The following GALK2 variants were observed in gnomAD, a reference collection of about 807,000 sequenced individuals.
GALK2 encodes the protein N-acetylgalactosamine kinase.
A neutral mutation model predicts 52.4 loss-of-function variants in GALK2; 36 were observed. The ratio of observed to expected loss-of-function variants is 0.69; its 90% CI spans 0.53 to 0.91. The LOEUF (loss-of-function observed/expected upper bound fraction) is 0.91. GALK2 is among the 40% of genes least tolerant of loss of function. GALK2 has a pLI of 0.00. For synonymous variants in GALK2, 176 were observed against 199.1 expected (o/e 0.88, Z 0.98); for missense variants, 579 against 559.1 (o/e 1.04, Z -0.36).
At chr15:49,266,480 C>T (rs1454877092) in intron 5 of GALK2, among the ~76,000 whole-genome samples, 1 of 152,194 alleles carries the variant, frequency 6.6e-6, no homozygotes, top group Non-Finnish European at 1.5e-5. Flanking sequence ...CTGCCTCTCT[C>T]ACTTGTCTTG....
chr15:49,351,878 G>A, intron 3 of GALK2, among the ~76,000 whole-genome samples: 1 of 152,180 alleles, frequency 6.6e-6, no homozygotes, highest in East Asian at 1.9e-4. Context: ...AGGGAATATG[G>A]TTTAGTTGTC....
chr15:49,273,077 A>AT (rs2030988883), intron 5 of GALK2, among the ~76,000 whole-genome samples: 1 of 152,316 alleles, frequency 6.6e-6, no homozygotes, highest in African/African-American at 2.4e-5. Context: ...CACAGATAGA[A>AT]GAGTGTACTG....
chr15:49,161,489 T>G (rs2084649546), intron 1 of GALK2, among the ~76,000 whole-genome samples: 1 of 152,236 alleles, frequency 6.6e-6, no homozygotes, highest in African/African-American at 2.4e-5. Context: ...ACCGTTAAGA[T>G]ACTCTCTTTT....
At chr15:49,209,222 A>G (rs1435293009) in intron 2 of GALK2, among the ~76,000 whole-genome samples, 1 of 152,102 alleles carries the variant, frequency 6.6e-6, no homozygotes, top group Non-Finnish European at 1.5e-5. Flanking sequence ...ATCAGCTCTA[A>G]AAGCTTTTTA....
chr15:49,268,338 G>T (rs906802985), intron 5 of GALK2, among the ~76,000 whole-genome samples: 3 of 152,214 alleles, frequency 2.0e-5, no homozygotes, highest in African/African-American at 4.8e-5. Context: ...TGTGGTGTCA[G>T]TTGAGATGTA....
chr15:49,271,420 A>G (rs1344919689), intron 5 of GALK2, among the ~76,000 whole-genome samples: 2 of 152,152 alleles, frequency 1.3e-5, no homozygotes, highest in East Asian at 1.9e-4. Flanking sequence ...GATTCAGTCA[A>G]TTGTGCTAGT....
At chr15:49,338,097 T>G (rs2040072281) in intron 3 of GALK2, among the ~76,000 whole-genome samples, 1 of 152,224 alleles carries the variant, frequency 6.6e-6, no homozygotes, top group South Asian at 2.1e-4. Context: ...TCCATTGTTG[T>G]GTCTTTTAAT....
intron 5 of GALK2, among the ~76,000 whole-genome samples, chr15:49,277,816 A>G (rs1367465139): frequency 1.3e-5 from 2 of 152,048 alleles, no homozygotes; most frequent in Non-Finnish European, 2.9e-5. Context: ...CAAACAAAAA[A>G]GGATTTGACC....
intron 8 of GALK2, among the ~76,000 whole-genome samples, chr15:49,294,862 A>G (rs2034315451): frequency 6.6e-6 from 1 of 152,216 alleles, no homozygotes; most frequent in Non-Finnish European, 1.5e-5. Context: ...TCCTAGACTT[A>G]GAGAGATTAC....
At chr15:49,168,486 A>C (rs2084896907), upstream of GALK2, among the ~76,000 whole-genome samples, 1 of 152,194 alleles carries the variant, frequency 6.6e-6, no homozygotes, top group Admixed American at 6.5e-5. Flanking sequence ...TGGAAGGCCG[A>C]GGTGGGCTGA....
chr15:49,196,391 A>G (rs973574210), intron 1 of GALK2, among the ~76,000 whole-genome samples: 42 of 152,136 alleles, frequency 2.8e-4, no homozygotes, highest in African/African-American at 1.0e-3. Context: ...GAGTTGTTTA[A>G]AAGACACTTA....
intron 3 of GALK2, among the ~76,000 whole-genome samples, chr15:49,228,688 T>TATATATTTATTTA: frequency 9.6e-5 from 1 of 10,444 alleles, no homozygotes; most frequent in African/African-American, 3.4e-4. Context: ...TATATATATA[T>TATATATTTATTTA]TTTTTTTTTT....
At chr15:49,224,335 C>T (rs1439429570) in intron 3 of GALK2, among the ~76,000 whole-genome samples, 2 of 152,138 alleles carry the variant, frequency 1.3e-5, no homozygotes, top group Non-Finnish European at 2.9e-5. Context: ...TGCAGAACCT[C>T]TTTAATTAGG....
At chr15:49,232,130 G>A (rs567604347) in intron 3 of GALK2, among the ~76,000 whole-genome samples, 37 of 152,296 alleles carry the variant, frequency 2.4e-4, no homozygotes, top group Admixed American at 2.4e-3. Flanking sequence ...TAGACATTTA[G>A]GCTTTTCTAC....
chr15:49,235,913 A>G lies in GALK2; in HGVS notation c.329A>G (p.Tyr110Cys), dbSNP rs374849566. Residue 110 changes from tyrosine (Y) to cysteine (C), a missense_variant, in exon 4 of 10, where the codon TAT becomes TGT. Coordinates refer to ENST00000560031, the MANE Select transcript of GALK2 (RefSeq NM_002044.4). Reference sequence around the variant, plus strand: ...AAAACCAAGCCTTTGTGGCACAACTATTTCTTATGTGGACTTAAAGGAATT... The same window carrying G: ...AAAACCAAGCCTTTGTGGCACAACTGTTTCTTATGTGGACTTAAAGGAATT... Reference protein sequence around the residue: ...IDKTKPLWHNYFLCGLKGIQE... With the variant: ...IDKTKPLWHNCFLCGLKGIQE... The G allele has an allele frequency of 1.8e-5, 29 of 1,612,766 alleles. No homozygotes were observed. Among genetic ancestry groups the G allele is most frequent in the Non-Finnish European group, 2.5e-5 (29 of 1,178,882 alleles).
At chr15:49,261,429 CTT>C (rs2092104333) in intron 5 of GALK2, among the ~76,000 whole-genome samples, 3 of 150,900 alleles carry the variant, frequency 2.0e-5, no homozygotes, top group Admixed American at 6.6e-5. Flanking sequence ...TATCCTGAGA[CTT>C]TGCTGAAGTT....
At chr15:49,316,530 G>A (rs1321647743) in intron 8 of GALK2, among the ~76,000 whole-genome samples, 1 of 151,786 alleles carries the variant, frequency 6.6e-6, no homozygotes, top group Non-Finnish European at 1.5e-5. Context: ...CGAGTTAATG[G>A]GTACAGCACA....
chr15:49,285,884 C>T (rs1595964689), intron 7 of GALK2, among the ~76,000 whole-genome samples: 1 of 152,242 alleles, frequency 6.6e-6, no homozygotes, highest in East Asian at 1.9e-4. Flanking sequence ...GTAAAAGGTC[C>T]ATATCACGAC....
chr15:49,287,071 T>G (rs1249906729), intron 7 of GALK2, among the ~76,000 whole-genome samples: 2 of 152,192 alleles, frequency 1.3e-5, no homozygotes, highest in Admixed American at 1.3e-4. Context: ...GAATGTTTTT[T>G]GAGAGTTAAC....
Sources: allele counts gnomAD v4.1 joint callset (sites outside exome capture counted in the v4.1 genomes callset), GRCh38; gene constraint gnomAD v4.1.1; transcripts MANE v1.5; gene names NCBI Gene and HGNC (gene_info 2026-07-23, HGNC 2026-07-21).